EXTL3: variants seen among roughly 807,000 people sequenced by gnomAD.
EXTL3 encodes the protein exostosin like glycosyltransferase 3.
In EXTL3, 27 loss-of-function variants were observed where a neutral mutation model predicts 69.3. The observed-to-expected ratio is 0.39, with a 90% CI of 0.29 to 0.54. The LOEUF is 0.54. Among genes scored for constraint, EXTL3 ranks in the 20% least tolerant of loss-of-function variants. The pLI, the probability that EXTL3 is intolerant of heterozygous loss-of-function variation, is 0.69. For synonymous variants in EXTL3, 511 were observed against 499.4 expected (o/e 1.02, Z -0.31); for missense variants, 1,003 against 1,231.8 (o/e 0.81, Z 2.78).
At position 28,750,729 on chromosome 8, in the gene EXTL3, G is replaced by C. The variant is rs779822953; in HGVS notation, c.2623G>C (p.Glu875Gln). ...GTCTCATGATGACTCCCACTTCCACGAGCGGCACAAGTGCATCAACTTCTT... is the reference window on the plus strand; with the variant it reads ...GTCTCATGATGACTCCCACTTCCACCAGCGGCACAAGTGCATCAACTTCTT... ...ALSHDDSHFHERHKCINFFVK... is the reference protein window; with the variant it reads ...ALSHDDSHFHQRHKCINFFVK... Residue 875 changes from glutamate to glutamine, a missense_variant, in exon 7 of 7, where the codon GAG becomes CAG. By Grantham distance (29) the Glu-to-Gln change is conservative (BLOSUM62 2). Coordinates refer to ENST00000220562, the MANE Select transcript of EXTL3 (RefSeq NM_001440.4). This position sits in a 1 kb window ranked among gnomAD's most constrained non-coding sequence, Gnocchi z 5.2. 2.5e-6 allele frequency: 4 copies of C among 1,614,024 alleles called. No homozygotes were observed.
chr8:28,694,294 A>G (rs1800655469), intron 1 of EXTL3, among the ~76,000 whole-genome samples: 1 of 152,240 alleles, frequency 6.6e-6, no homozygotes, highest in African/African-American at 2.4e-5. Context: ...GTCACACTCT[A>G]TGCAGTTTAC....
chr8:28,731,581 A>AGGT (rs1801539676), intron 4 of EXTL3, among the ~76,000 whole-genome samples: 1 of 152,154 alleles, frequency 6.6e-6, no homozygotes, highest in Non-Finnish European at 1.5e-5. Flanking sequence ...GTGGCCAGGA[A>AGGT]GGTGGAATTC....
At chr8:28,708,862 C>A (rs1025223306) in intron 1 of EXTL3, among the ~76,000 whole-genome samples, 2 of 152,170 alleles carry the variant, frequency 1.3e-5, no homozygotes, top group African/African-American at 4.8e-5. Flanking sequence ...GGCACAGTGG[C>A]AAACATCTTT....
chr8:28,750,571 A>T lies in EXTL3; in HGVS notation c.2551-86A>T, dbSNP rs1234820699. On this transcript the variant is annotated intron_variant, in intron 6 of 6. Transcript: ENST00000220562. The surrounding 1 kb of genome is among the most constrained non-coding windows in gnomAD (Gnocchi z 5.2). ...GAGGGGATCAGCGTCTTCACCATGGACATGGGAGTGTGGGATCGGCTCAGC... is the reference window on the plus strand; with the variant it reads ...GAGGGGATCAGCGTCTTCACCATGGTCATGGGAGTGTGGGATCGGCTCAGC... 3.6e-6 allele frequency: 4 copies of T among 1,108,124 alleles called. No individual in the cohort carries two copies. The African/African-American group carries it at 6.1e-5, about 17-fold the overall frequency. The allele number at this position is 1,108,124 out of a possible 1,614,324, so 68.6% of individuals were successfully genotyped here.
At chr8:28,742,933 G>A (rs942302323) in intron 5 of EXTL3, 153 bp from the exon 6 acceptor site, 1 of 783,384 alleles carries the variant, frequency 1.3e-6, no homozygotes, top group Non-Finnish European at 2.3e-6. Flanking sequence ...ACGACAGGAT[G>A]TCTCGAATCC....
intron 1 of EXTL3, among the ~76,000 whole-genome samples, chr8:28,646,941 G>A (rs1007576781): frequency 2.0e-5 from 3 of 152,134 alleles, no homozygotes. Flanking sequence ...CATACACTAA[G>A]TGAATCTTAC....
At chr8:28,669,605 C>G (rs985803896) in intron 1 of EXTL3, among the ~76,000 whole-genome samples, 20 of 152,172 alleles carry the variant, frequency 1.3e-4, no homozygotes, top group Non-Finnish European at 2.8e-4. Context: ...TTTGTAGTAG[C>G]TCACATAGAA....
chr8:28,733,336 G>A (rs1240406596), intron 4 of EXTL3, among the ~76,000 whole-genome samples: 1 of 151,814 alleles, frequency 6.6e-6, no homozygotes, highest in Non-Finnish European at 1.5e-5. Flanking sequence ...ATTTATAGCC[G>A]TCCTAGTCAT....
chr8:28,636,664 T>G (rs1273963961), intron 1 of EXTL3, among the ~76,000 whole-genome samples: 1 of 152,168 alleles, frequency 6.6e-6, no homozygotes, highest in African/African-American at 2.4e-5. Context: ...TGTTGTGAGT[T>G]CCTAGGGTGG....
chr8:28,710,545 T>A, intron 1 of EXTL3: 1 of 450,550 alleles, frequency 2.2e-6, no homozygotes, highest in Non-Finnish European at 4.4e-6. Context: ...AGGATTACCC[T>A]AATATTGTGT....
At chr8:28,691,571 G>GTTTTTTTTTTTTTTTTTTT (rs1800612428) in intron 1 of EXTL3, among the ~76,000 whole-genome samples, 3 of 65,996 alleles carry the variant, frequency 4.5e-5, no homozygotes, top group African/African-American at 2.5e-4. Flanking sequence ...CAGTTTTTGT[G>GTTTTTTTTTTTTTTTTTTT]ATTTTTTTTT....
intron 5 of EXTL3, among the ~76,000 whole-genome samples, chr8:28,738,122 A>G (rs963630379): frequency 6.6e-6 from 1 of 152,104 alleles, no homozygotes; most frequent in South Asian, 2.1e-4. Context: ...AGTGCTTATT[A>G]CTTTCACTGT....
intron 1 of EXTL3, among the ~76,000 whole-genome samples, chr8:28,644,700 TA>T (rs1459103084): frequency 6.6e-6 from 1 of 152,192 alleles, no homozygotes; most frequent in Non-Finnish European, 1.5e-5. Flanking sequence ...AAAAGTAAAT[TA>T]AAATGTTCAA....
chr8:28,721,631 T>TTA (rs1801294708), intron 3 of EXTL3, among the ~76,000 whole-genome samples: 3 of 152,242 alleles, frequency 2.0e-5, no homozygotes, highest in Non-Finnish European at 2.9e-5. Flanking sequence ...TGTGCAGAGG[T>TTA]TATAGTTGTC....
At chr8:28,643,268 G>T (rs1012286518) in intron 1 of EXTL3, among the ~76,000 whole-genome samples, 1 of 151,856 alleles carries the variant, frequency 6.6e-6, no homozygotes, top group African/African-American at 2.4e-5. Flanking sequence ...AGAACACCAC[G>T]GTGAATCCTG....
chr8:28,728,203 T>C (rs1801453546), intron 3 of EXTL3, among the ~76,000 whole-genome samples: 1 of 152,236 alleles, frequency 6.6e-6, no homozygotes, highest in Admixed American at 6.5e-5. Flanking sequence ...ATCTCTGAAA[T>C]TGAGATGTGT....
chr8:28,628,279 T>C (rs1331499488), intron 1 of EXTL3, among the ~76,000 whole-genome samples: 1 of 152,138 alleles, frequency 6.6e-6, no homozygotes, highest in Non-Finnish European at 1.5e-5. Flanking sequence ...GGAGAATCGC[T>C]CGAACCCAGG....
chr8:28,681,315 G>C (rs1226119132), intron 1 of EXTL3, among the ~76,000 whole-genome samples: 1 of 149,928 alleles, frequency 6.7e-6, no homozygotes, highest in Non-Finnish European at 1.5e-5. Context: ...AGGAGTTCCA[G>C]ACCAGCCTGG....
At chr8:28,638,190 G>A (rs183125303) in intron 1 of EXTL3, among the ~76,000 whole-genome samples, 14 of 152,242 alleles carry the variant, frequency 9.2e-5, no homozygotes, top group African/African-American at 3.4e-4. Flanking sequence ...TTGGTTCCAA[G>A]TGACAGAACC....
Sources: gnomAD v4.1 joint callset for allele counts (sites outside exome capture counted in the v4.1 genomes callset) on GRCh38, gnomAD v4.1.1 for gene constraint, Gnocchi (gnomAD v3.1) non-coding constraint, MANE v1.5 for transcripts, NCBI Gene and HGNC (gene_info 2026-07-23, HGNC 2026-07-21) for gene names.